Variants in GPHN observed in about 807,000 individuals in gnomAD.
GPHN encodes gephyrin.
GPHN carries 17 observed loss-of-function variants against 95.5 expected under a neutral mutation model. That is an observed-to-expected ratio of 0.18 (90% CI 0.12 to 0.27). The LOEUF (loss-of-function observed/expected upper bound fraction) is 0.27, where lower values mean the gene tolerates loss of function less well. GPHN is among the 10% of genes least tolerant of loss of function. GPHN has a pLI of 1.00. For synonymous variants in GPHN, 320 were observed against 322.5 expected (o/e 0.99, Z 0.08); for missense variants, 660 against 978.1 (o/e 0.67, Z 4.34).
At chr14:67,712,423 A>C in the GPHN span, among the ~76,000 whole-genome samples, 1 of 148,564 alleles carries the variant, frequency 6.7e-6, no homozygotes, top group Admixed American at 6.9e-5. Context: ...TAAAAATCCC[A>C]GAGTGGCCTC....
At chr14:67,049,831 C>T (rs1225526135) in intron 10 of GPHN, among the ~76,000 whole-genome samples, 6 of 151,972 alleles carry the variant, frequency 3.9e-5, no homozygotes, top group Non-Finnish European at 7.4e-5. Context: ...TTTTTATTGG[C>T]GAAGTAGCTA....
chr14:67,544,337 A>C, the GPHN span, among the ~76,000 whole-genome samples: 4 of 152,336 alleles, frequency 2.6e-5, no homozygotes, highest in African/African-American at 4.8e-5. Context: ...AGGAAACCCA[A>C]GTTCTGGGCC....
intron 1 of GPHN, among the ~76,000 whole-genome samples, chr14:66,669,065 G>GT (rs1017551462): frequency 6.6e-6 from 1 of 151,796 alleles, no homozygotes; most frequent in Non-Finnish European, 1.5e-5. Flanking sequence ...CTTTCCTGCT[G>GT]TTTTTAAGGT....
At chr14:66,776,384 C>A (rs1393789787) in intron 2 of GPHN, 80 bp from the exon 3 acceptor site, 1 of 865,716 alleles carries the variant, frequency 1.2e-6, no homozygotes, top group African/African-American at 1.7e-5. Flanking sequence ...TGGTAGCATT[C>A]TGATGGTAAT....
Position 66,948,975 on chromosome 14 carries a change from T to A in GPHN, c.829-16216T>A, listed in dbSNP as rs537985298. Among the ~76,000 whole-genome samples, 3 of 152,302 alleles carry A rather than the reference T, an allele frequency of 2.0e-5. No individual in the cohort carries two copies. In the South Asian group the frequency reaches 6.2e-4, roughly 32 times the overall value. Reference sequence around the variant, plus strand: ...TTTCTTTAATAAAACTTTGTAACATTTAATTATAACCTCTGAAGGATCAGT... The same window carrying A: ...TTTCTTTAATAAAACTTTGTAACATATAATTATAACCTCTGAAGGATCAGT... On this transcript the variant is annotated intron_variant, in intron 8 of 22. Transcript: ENST00000478722.
At chr14:66,876,621 A>T (rs925868255) in intron 4 of GPHN, among the ~76,000 whole-genome samples, 2 of 152,204 alleles carry the variant, frequency 1.3e-5, no homozygotes, top group African/African-American at 4.8e-5. Flanking sequence ...AAATACCTCT[A>T]TGCAAATAAA....
At chr14:67,356,646 A>G in the GPHN span, among the ~76,000 whole-genome samples, 2 of 152,216 alleles carry the variant, frequency 1.3e-5, no homozygotes, top group Non-Finnish European at 2.9e-5. Context: ...AGGGACTTGA[A>G]CCAGACTTTT....
At chr14:66,922,603 C>T in intron 6 of GPHN, 63 bp from the exon 7 acceptor site, 1 of 1,304,044 alleles carries the variant, frequency 7.7e-7, no homozygotes, top group African/African-American at 1.5e-5. Context: ...GTTTGATTGC[C>T]ACCATCTTAT....
At chr14:67,571,719 T>G in the GPHN span, 3 of 1,600,286 alleles carry the variant, frequency 1.9e-6, no homozygotes, top group South Asian at 3.3e-5. Context: ...TTTTGCAGCC[T>G]GAGCTGCAGT....
intron 1 of GPHN, among the ~76,000 whole-genome samples, chr14:66,552,837 C>T (rs548974809): frequency 2.0e-5 from 3 of 152,084 alleles, no homozygotes; most frequent in African/African-American, 7.2e-5. Flanking sequence ...CTTTTTGTCC[C>T]TTTTCTGGCT....
chr14:67,134,953 C>CTTCTTTTTTTTTTT (rs573340363), intron 17 of GPHN, among the ~76,000 whole-genome samples: 6 of 45,242 alleles, frequency 1.3e-4, no homozygotes, highest in South Asian at 6.8e-4. Context: ...TTTCTTTCTT[C>CTTCTTTTTTTTTTT]TTTTTTTTTT....
the GPHN span, among the ~76,000 whole-genome samples, chr14:67,427,605 C>A: frequency 2.0e-5 from 3 of 152,196 alleles, no homozygotes; most frequent in Non-Finnish European, 2.9e-5. Context: ...CTTACCGTCG[C>A]CATTCATTTT....
At chr14:66,708,422 A>G (rs1396546540) in intron 2 of GPHN, among the ~76,000 whole-genome samples, 3 of 152,180 alleles carry the variant, frequency 2.0e-5, no homozygotes, top group Admixed American at 6.6e-5. Flanking sequence ...TTATCTCAAT[A>G]TGTGCTGTAG....
intron 2 of GPHN, among the ~76,000 whole-genome samples, chr14:66,681,574 G>A (rs1380618705): frequency 6.6e-6 from 1 of 151,838 alleles, no homozygotes; most frequent in Non-Finnish European, 1.5e-5. Flanking sequence ...GAAATATAAA[G>A]TAGTTATTTG....
At chr14:67,412,102 C>A in the GPHN span, 1 of 1,474,062 alleles carries the variant, frequency 6.8e-7, no homozygotes, top group South Asian at 1.3e-5. Context: ...GCGCCTTCCC[C>A]GCGCCTCGCG....
the GPHN span, among the ~76,000 whole-genome samples, chr14:67,356,916 G>A: frequency 6.6e-6 from 1 of 152,236 alleles, no homozygotes; most frequent in Non-Finnish European, 1.5e-5. Flanking sequence ...TCAAATTTAA[G>A]TCAAATTGTA....
chr14:67,349,101 A>G, the GPHN span: 2 of 1,613,864 alleles, frequency 1.2e-6, no homozygotes, highest in Non-Finnish European at 1.7e-6. Context: ...GGATAACTGT[A>G]GTGCTGCAGA....
chr14:67,343,884 G>A, the GPHN span, among the ~76,000 whole-genome samples: 1 of 152,152 alleles, frequency 6.6e-6, no homozygotes, highest in African/African-American at 2.4e-5. Context: ...CAAAATTCTT[G>A]TGAGATTTCC....
At chr14:67,574,130 C>A in the GPHN span, 2 of 910,090 alleles carry the variant, frequency 2.2e-6, no homozygotes, top group Non-Finnish European at 3.3e-6. The surrounding 1 kb of genome is among the most constrained non-coding windows in gnomAD (Gnocchi z 4.2). Flanking sequence ...AGCACTAGGG[C>A]AGGCAGAAGG....
Sources: gnomAD v4.1 joint callset for allele counts (sites outside exome capture counted in the v4.1 genomes callset) on GRCh38, gnomAD v4.1.1 for gene constraint, Gnocchi (gnomAD v3.1) non-coding constraint, MANE v1.5 for transcripts, NCBI Gene and HGNC (gene_info 2026-07-23, HGNC 2026-07-21) for gene names.